The following PTK2 variants were observed in gnomAD, a reference collection of about 807,000 sequenced individuals.
PTK2 encodes the protein protein tyrosine kinase 2.
Under a neutral mutation model 150.1 loss-of-function variants are expected in PTK2, and 45 were observed. The observed-to-expected ratio is 0.30, with a 90% CI of 0.24 to 0.38. The LOEUF is 0.38. Among genes scored for constraint, PTK2 ranks in the 10% least tolerant of loss-of-function variants. PTK2 has a pLI of 1.00. For missense variants in PTK2, 919 were observed against 1,307.3 expected (o/e 0.70, Z 4.58); for synonymous variants, 432 against 449.2 (o/e 0.96, Z 0.48).
intron 1 of PTK2, among the ~76,000 whole-genome samples, chr8:140,995,428 T>C (rs1418786323): frequency 6.8e-6 from 1 of 147,104 alleles, no homozygotes; most frequent in African/African-American, 2.5e-5. Context: ...GGCCTCAAAG[T>C]GTTCAAGTGA....
intron 29 of PTK2, 124 bp downstream of exon 33, chr8:140,669,602 AG>A (rs749915356): frequency 4.9e-6 from 5 of 1,016,404 alleles, no homozygotes; most frequent in Non-Finnish European, 5.8e-6. Flanking sequence ...CAGTCATGAG[AG>A]GTGACAAAGC....
intron 26 of PTK2, among the ~76,000 whole-genome samples, chr8:140,693,568 A>T (rs1469282682): frequency 0.043 from 1,305 of 30,662 alleles, 227 homozygotes; most frequent in Middle Eastern, 0.078. Context: ...CTCAATTAAA[A>T]AAAAAAAAAA....
intron 26 of PTK2, among the ~76,000 whole-genome samples, chr8:140,691,858 A>G (rs1284641112): frequency 2.0e-5 from 3 of 152,224 alleles, no homozygotes; most frequent in East Asian, 1.9e-4. Flanking sequence ...GGCACAAGAG[A>G]TATGTTATAG....
intron 12 of PTK2, among the ~76,000 whole-genome samples, chr8:140,797,190 A>T (rs1056679317): frequency 1.3e-5 from 2 of 152,200 alleles, no homozygotes; most frequent in Non-Finnish European, 2.9e-5. Flanking sequence ...AGGTTTCTTT[A>T]ATCAATGTAA....
intron 13 of PTK2, among the ~76,000 whole-genome samples, chr8:140,792,234 C>T (rs748888391): frequency 3.3e-5 from 5 of 152,212 alleles, no homozygotes; most frequent in Non-Finnish European, 7.3e-5. Flanking sequence ...ATGCTGAACT[C>T]TTGCTTTCCT....
At chr8:140,932,758 C>T (rs996828169) in intron 1 of PTK2, among the ~76,000 whole-genome samples, 9 of 152,160 alleles carry the variant, frequency 5.9e-5, no homozygotes, top group African/African-American at 2.2e-4. Context: ...AGGATCCTGA[C>T]TAACAGCAGC....
intron 4 of PTK2, among the ~76,000 whole-genome samples, chr8:140,873,330 T>C (rs1267088554): frequency 6.6e-6 from 1 of 152,246 alleles, no homozygotes; most frequent in African/African-American, 2.4e-5. Flanking sequence ...AGAGTTTCAC[T>C]AAGGTATCGA....
chr8:140,713,819 T>C (rs190611974), intron 23 of PTK2, among the ~76,000 whole-genome samples: 10 of 152,254 alleles, frequency 6.6e-5, no homozygotes, highest in African/African-American at 2.2e-4. Context: ...ATATTCTTAA[T>C]AATTGGCTTT....
chr8:140,853,669 C>T (rs538569098), intron 5 of PTK2, among the ~76,000 whole-genome samples: 2 of 152,232 alleles, frequency 1.3e-5, no homozygotes, highest in South Asian at 4.1e-4. Context: ...ATGAGTGTCA[C>T]ACCCTTTATT....
At chr8:140,666,565 T>C (rs1212526413) in intron 30 of PTK2, among the ~76,000 whole-genome samples, 2 of 152,082 alleles carry the variant, frequency 1.3e-5, no homozygotes, top group East Asian at 3.8e-4. Context: ...AGGATGACAA[T>C]TATTTTTTAA....
intron 7 of PTK2, among the ~76,000 whole-genome samples, chr8:140,837,412 T>C (rs915236580): frequency 2.6e-5 from 4 of 152,210 alleles, no homozygotes; most frequent in Non-Finnish European, 5.9e-5. Flanking sequence ...TTAGTGGTAG[T>C]AGTAGTACTA....
chr8:140,762,795 TTC>T (rs1328030853), intron 15 of PTK2, among the ~76,000 whole-genome samples: 13 of 152,126 alleles, frequency 8.5e-5, no homozygotes, highest in Admixed American at 2.6e-4. Flanking sequence ...TTTTTTGTTT[TTC>T]TGAGACAGGG....
At chr8:140,998,603 G>C (rs1320828775) in intron 1 of PTK2, among the ~76,000 whole-genome samples, 1 of 151,968 alleles carries the variant, frequency 6.6e-6, no homozygotes, top group Non-Finnish European at 1.5e-5. Flanking sequence ...CGGATCATGA[G>C]GTCAGGAGAT....
intron 4 of PTK2, among the ~76,000 whole-genome samples, chr8:140,866,942 T>C (rs1567815975): frequency 3.3e-5 from 5 of 152,084 alleles, no homozygotes; most frequent in Admixed American, 1.3e-4. Context: ...AAGATCTAAA[T>C]AAAGGAGATG....
At chr8:140,963,174 A>G (rs780154063) in intron 1 of PTK2, among the ~76,000 whole-genome samples, 31 of 152,090 alleles carry the variant, frequency 2.0e-4, no homozygotes, top group South Asian at 8.3e-4. Context: ...TATATACCCT[A>G]TAACAATGAA....
At chr8:140,717,751 G>T in intron 22 of PTK2, 42 bp from the exon 26 acceptor site, 2 of 1,521,080 alleles carry the variant, frequency 1.3e-6, no homozygotes, top group South Asian at 2.2e-5. Flanking sequence ...TGACAACCCA[G>T]AGTTAGCACA....
intron 2 of PTK2, among the ~76,000 whole-genome samples, chr8:140,902,924 GTTTTTTTTTTTTTTTTTTTT>G (rs61261890): frequency 5.1e-5 from 3 of 58,950 alleles, no homozygotes; most frequent in African/African-American, 4.9e-5. Context: ...GATGAGAGTT[GTTTTTTTTTTTTTTTTTTTT>G]TTTTTTTTTT....
chr8:140,734,965 C>G, intron 22 of PTK2: 1 of 471,282 alleles, frequency 2.1e-6, no homozygotes, highest in East Asian at 4.1e-5. Context: ...TGAGGAAAGC[C>G]GGGACTAAGT....
At chr8:140,842,772 T>C (rs950702477) in intron 7 of PTK2, among the ~76,000 whole-genome samples, 25 of 152,206 alleles carry the variant, frequency 1.6e-4, no homozygotes, top group African/African-American at 5.5e-4. Flanking sequence ...ATAAGCACAA[T>C]AGCATCCTAG....
Sources: allele counts gnomAD v4.1 joint callset (sites outside exome capture counted in the v4.1 genomes callset), GRCh38; gene constraint gnomAD v4.1.1; transcripts MANE v1.5; gene names NCBI Gene and HGNC (gene_info 2026-07-23, HGNC 2026-07-21).